The following TAF2 variants were observed in gnomAD, a reference collection of about 807,000 sequenced individuals.
TAF2 encodes TATA-box binding protein associated factor 2, also known as transcription initiation factor TFIID subunit 2.
In TAF2, 61 loss-of-function variants were observed where a neutral mutation model predicts 138.5. The ratio of observed to expected loss-of-function variants is 0.44; its 90% CI spans 0.36 to 0.54. The LOEUF is 0.54. TAF2 is among the 20% of genes least tolerant of loss of function. The probability of loss-of-function intolerance (pLI) is 0.00; values close to 1 mark genes in which losing one functional copy is unlikely to be tolerated. For synonymous variants in TAF2, 475 were observed against 469.9 expected (o/e 1.01, Z -0.14); for missense variants, 1,090 against 1,427.9 (o/e 0.76, Z 3.81).
At chr8:119,759,266 C>T (rs982471730) in intron 20 of TAF2, among the ~76,000 whole-genome samples, 8 of 152,052 alleles carry the variant, frequency 5.3e-5, no homozygotes, top group Non-Finnish European at 8.8e-5. Context: ...CAGTCCTTTT[C>T]GAAGTTGGGT....
rs1293444952 is a variant in TAF2, at chr8:119,730,911, TAAAC to T, written c.*1009_*1012del. On this transcript the variant is annotated 3_prime_UTR_variant, in exon 26 of 26. Coordinates refer to ENST00000378164, the MANE Select transcript of TAF2 (RefSeq NM_003184.4). The stretch of plus-strand genomic sequence containing the variant: ...ATTGAACAGATATAAAAAATATTCT[TAAAC>T]AAATATTAAAGCACATGGAAAATTC... The T allele has an allele frequency of 6.6e-6, 1 of 152,150 alleles. No homozygotes were observed. Among genetic ancestry groups the T allele is most frequent in the African/African-American group, 2.4e-5 (1 of 41,444 alleles). 9.4% of individuals were successfully genotyped at this position (152,150 alleles called of 1,614,324 possible).
rs552489245 is a variant in TAF2 at position 119,799,720 on chromosome 8, T to C, written c.793-1874A>G. The stretch of plus-strand genomic sequence containing the variant: ...TTTCTAGTTCTAGATCCTTGAGGAA[T>C]TGCCACACTGTCTTCCACGATGGTT... On this transcript the variant is annotated intron_variant, in intron 6 of 25. Coordinates refer to ENST00000378164, the MANE Select transcript of TAF2 (RefSeq NM_003184.4). 5.3e-5 allele frequency among the ~76,000 whole-genome samples: 8 copies of C among 152,336 alleles called. No homozygotes were observed. The South Asian group carries it at 6.2e-4, about 12-fold the overall frequency.
intron 2 of TAF2, among the ~76,000 whole-genome samples, chr8:119,828,179 T>C (rs1211047463): frequency 1.3e-5 from 2 of 152,128 alleles, no homozygotes; most frequent in East Asian, 1.9e-4. Context: ...TGCCCAGCCA[T>C]GGAAGGAATT....
intron 8 of TAF2, among the ~76,000 whole-genome samples, chr8:119,796,524 C>G (rs1360872012): frequency 6.6e-6 from 1 of 152,054 alleles, no homozygotes; most frequent in Non-Finnish European, 1.5e-5. Flanking sequence ...CAGAGGAGTA[C>G]TATTTTACAT....
Position 119,732,201 on chromosome 8 carries a change from A to T in TAF2, c.3338-15T>A, listed in dbSNP as rs1161268936. The T allele has an allele frequency of 8.1e-6, 13 of 1,611,900 alleles. No homozygotes were observed. The highest frequency in any genetic ancestry group is 1.1e-5 in the Non-Finnish European group (13 of 1,178,030). On this transcript the variant is annotated splice_polypyrimidine_tract_variant and intron_variant, in intron 25 of 25. Coordinates refer to ENST00000378164, the MANE Select transcript of TAF2 (RefSeq NM_003184.4). Reference sequence around the variant, plus strand: ...TTGTTCTTTACCTTCAAGATTAAAAATACCCAAATGAATTCCTGCTGATGA... The same window carrying T: ...TTGTTCTTTACCTTCAAGATTAAAATTACCCAAATGAATTCCTGCTGATGA...
chr8:119,746,556 T>C (rs1459788920), intron 23 of TAF2, 149 bp downstream of exon 23: 2 of 802,838 alleles, frequency 2.5e-6, no homozygotes, highest in Non-Finnish European at 4.2e-6. Flanking sequence ...ATTGGCACAG[T>C]ACTAATCAAA....
intron 3 of TAF2, among the ~76,000 whole-genome samples, chr8:119,816,228 T>C (rs939258425): frequency 6.8e-6 from 1 of 146,734 alleles, no homozygotes; most frequent in Non-Finnish European, 1.5e-5. Flanking sequence ...TTTTTTGTAT[T>C]TTTTTTTTTT....
chr8:119,791,573 A>C (rs1269524925), intron 10 of TAF2, 114 bp from the exon 11 acceptor site: 1 of 1,222,268 alleles, frequency 8.2e-7, no homozygotes, highest in East Asian at 2.6e-5. Flanking sequence ...ATATATAAGC[A>C]ATTTCCTTAG....
At chr8:119,732,416 G>A (rs1818938049) in intron 25 of TAF2, among the ~76,000 whole-genome samples, 1 of 152,022 alleles carries the variant, frequency 6.6e-6, no homozygotes, top group South Asian at 2.1e-4. Flanking sequence ...TACAAATTTG[G>A]CCATATACCA....
At chr8:119,796,797 TAA>T (rs1261149360) in intron 8 of TAF2, among the ~76,000 whole-genome samples, 191 bp downstream of exon 8, 2 of 151,940 alleles carry the variant, frequency 1.3e-5, no homozygotes, top group African/African-American at 2.4e-5. Context: ...CTAATAAATA[TAA>T]GTGACTATAT....
At chr8:119,797,465 TTTGAG>T (rs148205214) in intron 7 of TAF2, among the ~76,000 whole-genome samples, 192 bp downstream of exon 7, 45,120 of 151,852 alleles carry the variant, frequency 0.3, 7,738 homozygotes, top group African/African-American at 0.47. Context: ...AGATGAGCCT[TTTGAG>T]TTATCTCAAA....
intron 2 of TAF2, among the ~76,000 whole-genome samples, chr8:119,824,131 G>A (rs1318125229): frequency 6.6e-5 from 10 of 152,064 alleles, no homozygotes; most frequent in African/African-American, 2.4e-4. Context: ...GCCCGACAAT[G>A]ATAGAAAAGA....
intron 21 of TAF2, among the ~76,000 whole-genome samples, chr8:119,756,988 A>G (rs1348187110): frequency 6.6e-6 from 1 of 152,228 alleles, no homozygotes; most frequent in African/African-American, 2.4e-5. Flanking sequence ...AGTGAGGAAG[A>G]AAGAAATTGG....
Position 119,791,020 on chromosome 8 carries a change from C to T in TAF2, c.1413+304G>A, listed in dbSNP as rs559465683. Among the ~76,000 whole-genome samples, 8 of 152,134 alleles carry T rather than the reference C, an allele frequency of 5.3e-5. No individual in the cohort carries two copies. In the South Asian group the frequency reaches 6.2e-4, roughly 12 times the overall value. ...CTTACTATACTGCCCAGGCTGGTCT[C>T]GAACCCCTGGCCTCAAGCAATCATC... On this transcript the variant is annotated intron_variant, in intron 11 of 25. Transcript: ENST00000378164.
chr8:119,824,496 T>C (rs113997723), intron 2 of TAF2, among the ~76,000 whole-genome samples: 5,064 of 152,022 alleles, frequency 0.033, 158 homozygotes, highest in South Asian at 0.11. Context: ...CTACAGAAAT[T>C]TGCATAAGTA....
At chr8:119,750,198 G>A (rs12334592) in intron 22 of TAF2, among the ~76,000 whole-genome samples, 4,978 of 152,052 alleles carry the variant, frequency 0.033, 150 homozygotes, top group South Asian at 0.11. Flanking sequence ...AAAATTAGCC[G>A]GGCATGGTGG....
intron 16 of TAF2, among the ~76,000 whole-genome samples, chr8:119,781,593 C>G (rs1019131290): frequency 2.0e-5 from 3 of 152,036 alleles, no homozygotes; most frequent in Admixed American, 6.5e-5. Flanking sequence ...TGTGGGAGAA[C>G]TGCTTGACTC....
chr8:119,791,231 G>T, intron 11 of TAF2, 93 bp downstream of exon 11: 2 of 1,461,152 alleles, frequency 1.4e-6, no homozygotes, highest in Non-Finnish European at 1.9e-6. Flanking sequence ...TATAAATCCA[G>T]ATGTCCTGAC....
rs398124655 is a variant in TAF2, at chr8:119,793,396, G to T, written c.1247C>A (p.Pro416His). ...CTTCTCTTTTCCTCCACCAAATATG[G>T]GATGTAGTAAAACCCCACCAGTTTT... ...ELKTGGVLLH[P>H]IFGGGKEKDN... The change falls in exon 10 of 26, where the codon CCC becomes CAC. Residue 416 changes from proline (P) to histidine (H), a missense_variant. Around this residue, in one of 3 missense-constraint regions of TAF2, gnomAD observed 504 missense variants for 680.9 expected, o/e 0.74. Transcript: ENST00000378164. The T allele has an allele frequency of 6.2e-7, 1 of 1,612,716 alleles. No homozygotes were observed. Among genetic ancestry groups the T allele is most frequent in the African/African-American group, 1.3e-5 (1 of 74,932 alleles).
Sources: gnomAD v4.1 joint callset for allele counts (sites outside exome capture counted in the v4.1 genomes callset) on GRCh38, gnomAD v4.1.1 for gene constraint, gnomAD v4.1.1 regional missense constraint, MANE v1.5 for transcripts, NCBI Gene and HGNC (gene_info 2026-07-23, HGNC 2026-07-21) for gene names.